The following ANKRD28 variants were observed in gnomAD, a reference collection of about 807,000 sequenced individuals.
ANKRD28 encodes the protein ankyrin repeat domain 28.
ANKRD28 carries 44 observed loss-of-function variants against 126.5 expected under a neutral mutation model. The observed-to-expected ratio is 0.35, with a 90% CI of 0.27 to 0.45. The LOEUF (loss-of-function observed/expected upper bound fraction) is 0.45, where lower values mean the gene tolerates loss of function less well. Among genes scored for constraint, ANKRD28 ranks in the 20% least tolerant of loss-of-function variants. The probability of loss-of-function intolerance (pLI) is 1.00; values close to 1 mark genes in which losing one functional copy is unlikely to be tolerated. For synonymous variants in ANKRD28, 442 were observed against 468.5 expected (o/e 0.94, Z 0.73); for missense variants, 1,110 against 1,316.6 (o/e 0.84, Z 2.43).
chr3:15,710,135 A>G (rs2072041537), intron 12 of ANKRD28, among the ~76,000 whole-genome samples: 1 of 152,026 alleles, frequency 6.6e-6, no homozygotes, highest in Admixed American at 6.6e-5. Flanking sequence ...CCTGGATATA[A>G]GCGATCCTCC....
chr3:15,795,122 T>A, intron 2 of ANKRD28, 101 bp downstream of exon 2: 1 of 833,622 alleles, frequency 1.2e-6, no homozygotes, highest in Admixed American at 2.2e-5. Context: ...AAAACAACTG[T>A]TACAGAGTTA....
rs1559489288 is a variant in ANKRD28, at chr3:15,762,216, AAAC to A, written c.280+4015_280+4017del. ...AAAAAAAAAAAAAAAAAAAAAAACA[AAAC>A]AAAAAAAAAAAAACTCTCCTGGTTC... On this transcript the variant is annotated intron_variant, in intron 3 of 27. Transcript: ENST00000683139. Among the ~76,000 whole-genome samples the A allele has an allele frequency of 7.6e-3, 299 of 39,582 alleles. 3 individuals are homozygous for A. The highest frequency in any genetic ancestry group is 0.015 in the African/African-American group (276 of 18,402). 26.0% of individuals were successfully genotyped at this position (39,582 alleles called of 152,430 possible).
intron 27 of ANKRD28, among the ~76,000 whole-genome samples, chr3:15,674,484 C>A (rs575159252): frequency 6.6e-6 from 1 of 152,274 alleles, no homozygotes; most frequent in East Asian, 1.9e-4. Flanking sequence ...AAAGGATCAA[C>A]AGTTCAGTTC....
chr3:15,703,149 A>G (rs1468929520), intron 14 of ANKRD28, among the ~76,000 whole-genome samples: 1 of 152,242 alleles, frequency 6.6e-6, no homozygotes, highest in Non-Finnish European at 1.5e-5. Flanking sequence ...ATATACCAAC[A>G]CAAAAAAATT....
intron 21 of ANKRD28, among the ~76,000 whole-genome samples, chr3:15,680,958 C>G (rs935922965): frequency 6.6e-6 from 1 of 152,142 alleles, no homozygotes; most frequent in Non-Finnish European, 1.5e-5. Context: ...TAAGCCACCA[C>G]GGCCAACATT....
intron 2 of ANKRD28, among the ~76,000 whole-genome samples, chr3:15,768,991 T>C (rs1243351552): frequency 6.6e-6 from 1 of 152,182 alleles, no homozygotes; most frequent in Non-Finnish European, 1.5e-5. Flanking sequence ...TGTGTCCTAA[T>C]TTAGTCATTT....
rs138689821 is a variant in ANKRD28 at position 15,766,286 on chromosome 3, G to A, written c.228C>T (p.His76=). 6.8e-3 allele frequency: 10,940 copies of A among 1,610,920 alleles called. 60 individuals carry two copies. The highest frequency in any genetic ancestry group is 8.4e-3 in the Non-Finnish European group (9,844 of 1,178,004). Residue 76 remains histidine, a synonymous_variant, in exon 3 of 28, where the codon CAC becomes CAT. Coordinates refer to ENST00000683139, the MANE Select transcript of ANKRD28 (RefSeq NM_001349278.2). ...FQDNEKRTPL[H]AAAYLGDAEI... ...CTGCATCTCCAAGGTAAGCTGCGGCGTGCAATGGGGTTCGCTTTTCATTGT... is the reference window on the plus strand; with the variant it reads ...CTGCATCTCCAAGGTAAGCTGCGGCATGCAATGGGGTTCGCTTTTCATTGT...
chr3:15,713,460 G>C, intron 10 of ANKRD28, 67 bp downstream of exon 10: 2 of 1,223,258 alleles, frequency 1.6e-6, no homozygotes, highest in Non-Finnish European at 1.2e-6. Context: ...GAAATGTCTA[G>C]AAAACTGCAG....
intron 1 of ANKRD28, among the ~76,000 whole-genome samples, chr3:15,850,219 A>ATG (rs2061616081): frequency 1.1e-5 from 1 of 89,390 alleles, no homozygotes; most frequent in South Asian, 4.3e-4. Flanking sequence ...ATATATATAT[A>ATG]TATATAGAGA....
At chr3:15,806,895 T>C (rs1575742747) in intron 1 of ANKRD28, among the ~76,000 whole-genome samples, 2 of 152,320 alleles carry the variant, frequency 1.3e-5, no homozygotes, top group East Asian at 3.9e-4. Context: ...CATTTGTTAA[T>C]ATTAGGCCTA....
intron 1 of ANKRD28, among the ~76,000 whole-genome samples, chr3:15,828,456 C>T (rs563505768): frequency 3.9e-5 from 6 of 152,162 alleles, no homozygotes; most frequent in African/African-American, 1.4e-4. Flanking sequence ...GTAGTCAGTA[C>T]ACTACAGCTT....
At chr3:15,676,527 C>A (rs2066954883) in intron 26 of ANKRD28, 1 of 158,906 alleles carries the variant, frequency 6.3e-6, no homozygotes, top group African/African-American at 2.4e-5. Context: ...ATGAGAGACA[C>A]TGATGTAAGA....
chr3:15,691,702 G>A (rs908840947), intron 17 of ANKRD28, among the ~76,000 whole-genome samples: 11 of 152,324 alleles, frequency 7.2e-5, no homozygotes, highest in African/African-American at 2.6e-4. Flanking sequence ...AGATTAAAGT[G>A]ACTGTAGGTC....
intron 20 of ANKRD28, among the ~76,000 whole-genome samples, chr3:15,685,646 A>C (rs1346126505): frequency 6.6e-6 from 1 of 152,210 alleles, no homozygotes; most frequent in Non-Finnish European, 1.5e-5. Context: ...CTAAAATGCA[A>C]ATAGTATGAA....
intron 17 of ANKRD28, among the ~76,000 whole-genome samples, chr3:15,692,159 A>AG (rs2068893296): frequency 6.6e-6 from 1 of 151,482 alleles, no homozygotes; most frequent in Non-Finnish European, 1.5e-5. Context: ...AAAAAAAAAA[A>AG]AAAAAAATGA....
chr3:15,667,994 AGAATGTGCG>A lies in ANKRD28; in HGVS notation c.*2267_*2275del, dbSNP rs2066070039. 6.6e-6 allele frequency: 1 copy of A among 152,264 alleles called. No homozygotes were observed. Among genetic ancestry groups the A allele is most frequent in the African/African-American group, 2.4e-5 (1 of 41,466 alleles). The allele number at this position is 152,264 out of a possible 1,614,324, so 9.4% of individuals were successfully genotyped here. A position where few individuals can be genotyped will look rare whatever the true frequency, so the allele number is the denominator to read the frequency against. ...CAGCCTGTAAAAGAGAAGACATGGCAGAATGTGCGAGATTCATCCTTCCAACATTCTCAG... is the reference window on the plus strand; with the variant it reads ...CAGCCTGTAAAAGAGAAGACATGGCAAGATTCATCCTTCCAACATTCTCAG... On this transcript the variant is annotated 3_prime_UTR_variant, in exon 28 of 28. Transcript: ENST00000683139.
chr3:15,805,050 T>C lies in ANKRD28; in HGVS notation c.28-9744A>G, dbSNP rs921809227. ...GGTACTTACGAAAACAGAGTTTCAC[T>C]GACTTTTCCAAGTAAGTGTAGATTC... On this transcript the variant is annotated intron_variant, in intron 1 of 27. Transcript: ENST00000399451. Among the ~76,000 whole-genome samples the C allele has an allele frequency of 2.9e-4, 42 of 145,700 alleles. 1 individual carries two copies. The highest frequency in any genetic ancestry group is 3.7e-4 in the Non-Finnish European group (25 of 67,204).
chr3:15,824,516 T>C (rs1002595401), intron 1 of ANKRD28, among the ~76,000 whole-genome samples: 1 of 152,038 alleles, frequency 6.6e-6, no homozygotes, highest in Non-Finnish European at 1.5e-5. Context: ...TTGCAGAATA[T>C]AAGATAAAGT....
intron 13 of ANKRD28, among the ~76,000 whole-genome samples, chr3:15,708,339 C>T (rs1349555443): frequency 6.6e-6 from 1 of 152,198 alleles, no homozygotes; most frequent in African/African-American, 2.4e-5. Context: ...CTTTGAGTGA[C>T]TTTCAAATAA....
Sources: gnomAD v4.1 joint callset for allele counts (sites outside exome capture counted in the v4.1 genomes callset) on GRCh38, gnomAD v4.1.1 for gene constraint, MANE v1.5 for transcripts, NCBI Gene and HGNC (gene_info 2026-07-23, HGNC 2026-07-21) for gene names.